PCDH7: variants seen among roughly 807,000 people sequenced by gnomAD.
PCDH7 encodes the protein protocadherin-7.
Under a neutral mutation model 58.9 loss-of-function variants are expected in PCDH7, and 17 were observed. That is an observed-to-expected ratio of 0.29 (90% confidence interval 0.20 to 0.43). The LOEUF is 0.43. Ranked by LOEUF, PCDH7 falls within the 20% of genes least tolerant of loss-of-function variation. The pLI is 1.00. For missense variants in PCDH7, 1,274 were observed against 1,441.0 expected, an observed-to-expected ratio of 0.88 and a Z score of 1.88; for synonymous variants, 664 against 616.4, an observed-to-expected ratio of 1.08 and a Z score of -1.14.
At chr4:30,960,944 A>G (rs1350324484) in intron 3 of PCDH7, among the ~76,000 whole-genome samples, 1 of 152,210 alleles carries the variant, frequency 6.6e-6, no homozygotes, top group African/African-American at 2.4e-5. Context: ...TGAATATAGA[A>G]TGTAAAACAT....
intron 1 of PCDH7, among the ~76,000 whole-genome samples, chr4:30,850,131 T>A (rs1315773652): frequency 6.6e-6 from 1 of 152,160 alleles, no homozygotes; most frequent in African/African-American, 2.4e-5. Context: ...ATATTCGTAT[T>A]TTATTACAAG....
At chr4:30,860,556 T>A (rs1214526037) in intron 1 of PCDH7, among the ~76,000 whole-genome samples, 1 of 152,156 alleles carries the variant, frequency 6.6e-6, no homozygotes, top group Admixed American at 6.6e-5. Flanking sequence ...GCAGCCTATA[T>A]GAACAAGGAC....
intron 1 of PCDH7, among the ~76,000 whole-genome samples, chr4:30,796,577 A>G (rs940151077): frequency 6.6e-6 from 1 of 152,258 alleles, no homozygotes; most frequent in Non-Finnish European, 1.5e-5. Flanking sequence ...CAGATATTAC[A>G]TAGAAGGCTA....
intron 1 of PCDH7, among the ~76,000 whole-genome samples, chr4:30,918,914 C>T (rs996347259): frequency 6.6e-6 from 1 of 152,056 alleles, no homozygotes; most frequent in African/African-American, 2.4e-5. Flanking sequence ...TATAACTCTT[C>T]TTAGCTTTCC....
At chr4:31,111,054 C>T (rs765900221) in intron 3 of PCDH7, among the ~76,000 whole-genome samples, 3 of 151,902 alleles carry the variant, frequency 2.0e-5, no homozygotes. Context: ...ACAGGAATTA[C>T]AGCTATCATA....
At chr4:31,031,656 A>C (rs1272833118) in intron 3 of PCDH7, among the ~76,000 whole-genome samples, 1 of 152,228 alleles carries the variant, frequency 6.6e-6, no homozygotes, top group East Asian at 1.9e-4. Flanking sequence ...AAAAGAAAAA[A>C]ACTTTTATTA....
intron 3 of PCDH7, among the ~76,000 whole-genome samples, chr4:31,060,489 G>A (rs1757602107): frequency 6.6e-6 from 1 of 151,678 alleles, no homozygotes; most frequent in South Asian, 2.1e-4. Context: ...CCCTTGAGGG[G>A]ACAGTTTTCA....
At chr4:31,037,458 A>G (rs897669290) in intron 3 of PCDH7, among the ~76,000 whole-genome samples, 1 of 152,076 alleles carries the variant, frequency 6.6e-6, no homozygotes, top group Non-Finnish European at 1.5e-5. Context: ...GTCCCACTAC[A>G]CTGTGTTCAT....
exon 2 of PCDH7, chr4:30,731,104 T>C: frequency 9.4e-7 from 1 of 1,065,792 alleles, no homozygotes; most frequent in Non-Finnish European, 1.1e-6. Context: ...TCCAAAAGCA[T>C]ATTGCAACAA....
intron 1 of PCDH7, among the ~76,000 whole-genome samples, chr4:30,772,368 A>C (rs138035736): frequency 3.1e-3 from 475 of 152,354 alleles, no homozygotes; most frequent in African/African-American, 0.011. Context: ...TGGAAATTCA[A>C]GGCCATCATG....
chr4:31,096,678 C>T (rs1052292960), intron 3 of PCDH7, among the ~76,000 whole-genome samples: 2 of 152,188 alleles, frequency 1.3e-5, no homozygotes, highest in Middle Eastern at 3.4e-3. Flanking sequence ...ATTGATATAT[C>T]GACAAGGGAA....
At chr4:31,062,895 G>A (rs1404042936) in intron 3 of PCDH7, among the ~76,000 whole-genome samples, 1 of 151,796 alleles carries the variant, frequency 6.6e-6, no homozygotes, top group African/African-American at 2.4e-5. Flanking sequence ...TGCTGTTGCT[G>A]CTGTTTTAGC....
intron 2 of PCDH7, among the ~76,000 whole-genome samples, chr4:30,944,345 T>C (rs1036492669): frequency 4.0e-4 from 61 of 152,246 alleles, no homozygotes; most frequent in African/African-American, 1.4e-3. Flanking sequence ...TGTCAGCATA[T>C]AATGAATTTA....
chr4:30,886,978 T>TG (rs1171289971), intron 1 of PCDH7, among the ~76,000 whole-genome samples: 3 of 54,240 alleles, frequency 5.5e-5, no homozygotes, highest in African/African-American at 1.5e-4. Context: ...TGTTGTGGAG[T>TG]GGGGGGTGGG....
At chr4:31,078,756 A>T (rs1379774513) in intron 3 of PCDH7, among the ~76,000 whole-genome samples, 1 of 149,858 alleles carries the variant, frequency 6.7e-6, no homozygotes, top group Non-Finnish European at 1.5e-5. Context: ...AGTTGGCAAT[A>T]TAAATTTTAA....
At chr4:31,145,681 G>A (rs1301260133), downstream of PCDH7, 1 of 151,940 alleles carries the variant, frequency 6.6e-6, no homozygotes, top group East Asian at 1.9e-4. Context: ...TCAGATAATG[G>A]ACCAGTCTTA....
intron 1 of PCDH7, among the ~76,000 whole-genome samples, chr4:30,824,105 T>G (rs892645745): frequency 1.5e-5 from 2 of 136,604 alleles, no homozygotes; most frequent in East Asian, 2.3e-4. Context: ...CTTTCTTTCT[T>G]TCTTTCTTTC....
chr4:30,907,300 A>G (rs7679853), intron 1 of PCDH7, among the ~76,000 whole-genome samples: 99,830 of 151,974 alleles, frequency 0.66, 32,803 homozygotes, highest in South Asian at 0.67. Flanking sequence ...AAAAGAAACT[A>G]TCATCAGAGT....
At chr4:30,794,512 T>C (rs1206471533) in intron 1 of PCDH7, among the ~76,000 whole-genome samples, 11 of 152,208 alleles carry the variant, frequency 7.2e-5, no homozygotes, top group Non-Finnish European at 1.5e-5. Context: ...TTCTTTAGAA[T>C]TGTTACATAA....
Sources: gnomAD v4.1 joint callset for allele counts (sites outside exome capture counted in the v4.1 genomes callset) on GRCh38, gnomAD v4.1.1 for gene constraint, MANE v1.5 for transcripts, NCBI Gene and HGNC (gene_info 2026-07-23, HGNC 2026-07-21) for gene names.